Variants in SHC3 observed in about 807,000 individuals in gnomAD.
The protein encoded by SHC3 is SHC-transforming protein 3.
SHC3 carries 15 observed loss-of-function variants against 60.4 expected under a neutral mutation model. The observed-to-expected ratio is 0.25, with a 90% CI of 0.17 to 0.38. The LOEUF (loss-of-function observed/expected upper bound fraction) is 0.38, where lower values mean the gene tolerates loss of function less well. Among genes scored for constraint, SHC3 ranks in the 10% least tolerant of loss-of-function variants. SHC3 has a pLI of 1.00. For synonymous variants in SHC3, 294 were observed against 325.9 expected (o/e 0.90, Z 1.05); for missense variants, 677 against 786.1 (o/e 0.86, Z 1.66).
chr9:89,160,723 C>T (rs758529101), intron 1 of SHC3, among the ~76,000 whole-genome samples: 2 of 152,126 alleles, frequency 1.3e-5, no homozygotes, highest in Non-Finnish European at 2.9e-5. Context: ...AAAGTTGAGT[C>T]TCTTACGGAA....
intron 2 of SHC3, among the ~76,000 whole-genome samples, chr9:89,098,473 G>A (rs558840216): frequency 3.9e-5 from 6 of 152,312 alleles, no homozygotes; most frequent in African/African-American, 1.4e-4. Flanking sequence ...ACTAGTTAGT[G>A]TTGAAGAGGT....
intron 1 of SHC3, among the ~76,000 whole-genome samples, chr9:89,154,821 C>T (rs1468798254): frequency 6.6e-6 from 1 of 152,192 alleles, no homozygotes; most frequent in Non-Finnish European, 1.5e-5. Context: ...TTGATTTCAT[C>T]TGAAAATCAC....
intron 2 of SHC3, among the ~76,000 whole-genome samples, chr9:89,111,352 G>A (rs983172943): frequency 2.0e-5 from 3 of 152,096 alleles, no homozygotes; most frequent in Non-Finnish European, 2.9e-5. Context: ...TCTGCCCACC[G>A]TGATGCCACT....
Position 89,038,084 on chromosome 9 carries a change from C to G in SHC3, c.1565G>C (p.Arg522Thr). 6.2e-7 allele frequency: 1 copy of G among 1,614,156 alleles called. No homozygotes were observed. The highest frequency in any genetic ancestry group is 8.5e-7 in the Non-Finnish European group (1 of 1,180,034). ...LLEKDGDFLV[R>T]KSTTNPGSFV... is the part of the protein sequence containing the mutation. ...GGAGCCCGGGTTGGTGGTGCTCTTC[C>G]TGACCAGGAAGTCTCCGTCTTTCTC... The change falls in exon 11 of 12, where the codon AGG becomes ACG. Residue 522 changes from arginine (R) to threonine (T), a missense_variant. Arg to Thr is a moderately conservative substitution (Grantham distance 71, BLOSUM62 -1). Coordinates refer to ENST00000375835, the MANE Select transcript of SHC3 (RefSeq NM_016848.6).
intron 6 of SHC3, among the ~76,000 whole-genome samples, chr9:89,065,053 C>T (rs1825155320): frequency 6.6e-6 from 1 of 152,072 alleles, no homozygotes; most frequent in African/African-American, 2.4e-5. Context: ...TAAATGACTC[C>T]CCCCATCCAG....
chr9:89,093,346 G>C (rs1181774759), intron 2 of SHC3, among the ~76,000 whole-genome samples: 3 of 152,190 alleles, frequency 2.0e-5, no homozygotes, highest in Non-Finnish European at 4.4e-5. Flanking sequence ...GGTCCTCAGG[G>C]AGATTTGGAA....
intron 1 of SHC3, among the ~76,000 whole-genome samples, chr9:89,126,468 T>C (rs769411380): frequency 1.8e-4 from 27 of 152,210 alleles, no homozygotes; most frequent in Non-Finnish European, 7.3e-5. Context: ...GTGATGGGAT[T>C]AAGCATGTTC....
chr9:89,110,333 G>T, intron 2 of SHC3: 5 of 984,812 alleles, frequency 5.1e-6, no homozygotes, highest in Non-Finnish European at 6.0e-6. Context: ...AGGTGTGACT[G>T]GAGTGCCTTT....
At chr9:89,020,916 G>C (rs368571322) in intron 11 of SHC3, among the ~76,000 whole-genome samples, 1 of 152,164 alleles carries the variant, frequency 6.6e-6, no homozygotes, top group Non-Finnish European at 1.5e-5. Context: ...GAAGGATGCA[G>C]GGGAGAGCCT....
chr9:89,160,749 G>T (rs1020731181), intron 1 of SHC3, among the ~76,000 whole-genome samples: 3 of 152,150 alleles, frequency 2.0e-5, no homozygotes, highest in Non-Finnish European at 1.5e-5. Flanking sequence ...TCTGTAATTA[G>T]CTGTCAAGAG....
At chr9:89,150,688 GTAAATA>G (rs1408829447) in intron 1 of SHC3, among the ~76,000 whole-genome samples, 1 of 152,140 alleles carries the variant, frequency 6.6e-6, no homozygotes, top group Non-Finnish European at 1.5e-5. Flanking sequence ...AAGTTTTTGT[GTAAATA>G]TACATTGTCA....
intron 4 of SHC3, among the ~76,000 whole-genome samples, chr9:89,073,644 G>A (rs964936249): frequency 1.3e-5 from 2 of 152,212 alleles, no homozygotes; most frequent in Non-Finnish European, 2.9e-5. Context: ...CCAAGGGCAG[G>A]AAAACATGAA....
At chr9:89,065,484 T>G in intron 6 of SHC3, 45 bp downstream of exon 6, 1 of 1,602,942 alleles carries the variant, frequency 6.2e-7, no homozygotes, top group Non-Finnish European at 8.5e-7. Flanking sequence ...ATGTGAAGCC[T>G]GGCTGTACAC....
intron 2 of SHC3, among the ~76,000 whole-genome samples, chr9:89,081,147 C>T (rs1825438741): frequency 6.6e-6 from 1 of 152,052 alleles, no homozygotes; most frequent in Non-Finnish European, 1.5e-5. Flanking sequence ...TTGACACACT[C>T]AATAGCATAA....
intron 11 of SHC3, among the ~76,000 whole-genome samples, chr9:89,028,965 C>A (rs10125202): frequency 0.39 from 57,089 of 147,580 alleles, 12,868 homozygotes; most frequent in East Asian, 0.97. Context: ...TCTTCTGAGG[C>A]AGAATATATA....
In SHC3 at chr9:89,013,571, C is replaced by G; in HGVS notation, c.1661G>C (p.Arg554Pro). The G allele has an allele frequency of 6.2e-7, 1 of 1,610,496 alleles. No individual in the cohort carries two copies. Among genetic ancestry groups the G allele is most frequent in the Non-Finnish European group, 8.5e-7 (1 of 1,178,776 alleles). ...LLLVDPEGTI[R>P]TKDRVFDSIS... Reference sequence around the variant, plus strand: ...ACTGTCAAAGACTCTGTCCTTTGTCCGGATCTATGAATGAAGCAAAGGAAA... The same window carrying G: ...ACTGTCAAAGACTCTGTCCTTTGTCGGGATCTATGAATGAAGCAAAGGAAA... Residue 554 changes from arginine to proline, a missense_variant, in exon 12 of 12, where the codon CGG becomes CCG. Arg to Pro is a moderately radical substitution (Grantham distance 103). Coordinates refer to ENST00000375835, the MANE Select transcript of SHC3 (RefSeq NM_016848.6).
intron 10 of SHC3, among the ~76,000 whole-genome samples, chr9:89,040,025 T>C (rs1824650546): frequency 7.2e-6 from 1 of 138,452 alleles, no homozygotes; most frequent in African/African-American, 2.7e-5. Flanking sequence ...ACCACCACCA[T>C]CGGCATCACC....
chr9:89,092,546 A>G (rs111453878), intron 2 of SHC3, among the ~76,000 whole-genome samples: 15,713 of 150,406 alleles, frequency 0.1, 911 homozygotes, highest in Admixed American at 0.14. Flanking sequence ...GAACCCCAGA[A>G]GCAGAGCTTG....
At chr9:89,112,653 G>A (rs367564200) in intron 1 of SHC3, 27 bp from the exon 2 acceptor site, 41 of 1,561,984 alleles carry the variant, frequency 2.6e-5, no homozygotes, top group East Asian at 4.8e-5. Context: ...TGTAAATCGT[G>A]AGCCCTGAGA....
Sources: allele counts gnomAD v4.1 joint callset (sites outside exome capture counted in the v4.1 genomes callset), GRCh38; gene constraint gnomAD v4.1.1; transcripts MANE v1.5; gene names NCBI Gene and HGNC (gene_info 2026-07-23, HGNC 2026-07-21).